ANO2: variants seen among roughly 807,000 people sequenced by gnomAD.
ANO2 encodes the protein anoctamin-2.
A neutral mutation model predicts 124.2 loss-of-function variants in ANO2; 101 were observed. The observed-to-expected ratio is 0.81, with a 90% CI of 0.69 to 0.96. ANO2 has a LOEUF of 0.96. Among genes scored for constraint, ANO2 ranks in the 40% least tolerant of loss-of-function variants. The probability of loss-of-function intolerance (pLI) is 0.00; values close to 1 mark genes in which losing one functional copy is unlikely to be tolerated. For synonymous variants in ANO2, 486 were observed against 482.5 expected (o/e 1.01, Z -0.09); for missense variants, 1,293 against 1,274.5 (o/e 1.01, Z -0.22).
In ANO2 at chr12:5,563,182, G is replaced by A; in HGVS notation, c.*117C>T. On this transcript the variant is annotated 3_prime_UTR_variant, in exon 25 of 25. Coordinates refer to ENST00000682330, the MANE Select transcript of ANO2 (RefSeq NM_001364791.2). ...TTTTTACACACTGCCCCCTCTTCAA[G>A]ACCCCATCAAGCCAGGCCCCTGCAG... is the stretch of plus-strand genomic sequence containing the variant. The A allele has an allele frequency of 7.4e-7, 1 of 1,356,592 alleles. No homozygotes were observed. Among genetic ancestry groups the A allele is most frequent in the South Asian group, 1.5e-5 (1 of 68,342 alleles). 84.0% of individuals were successfully genotyped at this position (1,356,592 alleles called of 1,614,324 possible). A position where few individuals can be genotyped will look rare whatever the true frequency, so the allele number is the denominator to read the frequency against.
Position 5,900,337 on chromosome 12 carries a change from C to T in ANO2, c.534+20703G>A, listed in dbSNP as rs192938473. Among the ~76,000 whole-genome samples the T allele has an allele frequency of 2.6e-5, 4 of 152,278 alleles. No individual in the cohort carries two copies. The highest frequency in any genetic ancestry group is 9.6e-5 in the African/African-American group (4 of 41,550). On this transcript the variant is annotated intron_variant, in intron 3 of 24. Coordinates refer to ENST00000682330, the MANE Select transcript of ANO2 (RefSeq NM_001364791.2). This position sits in a 1 kb window ranked among gnomAD's most constrained non-coding sequence, Gnocchi z 4.2. ...CACATGGTTGTTTGGATCAGGCATCCGTTTCTGAGCCCCTCCTAGTCACGA... is the reference window on the plus strand; with the variant it reads ...CACATGGTTGTTTGGATCAGGCATCTGTTTCTGAGCCCCTCCTAGTCACGA...
intron 19 of ANO2, chr12:5,608,833 T>G (rs944934953): frequency 1.3e-5 from 2 of 152,190 alleles, no homozygotes; most frequent in African/African-American, 4.8e-5. Context: ...CATGCCCGAG[T>G]TCTTGCCTCT....
chr12:5,867,794 A>AC (rs1265487051), intron 3 of ANO2, among the ~76,000 whole-genome samples: 6 of 151,288 alleles, frequency 4.0e-5, no homozygotes, highest in Non-Finnish European at 8.9e-5. Context: ...AAAAAAAAAA[A>AC]AAAAAACCAG....
chr12:5,632,738 T>C (rs1279419200), intron 16 of ANO2, among the ~76,000 whole-genome samples: 1 of 152,212 alleles, frequency 6.6e-6, no homozygotes, highest in Non-Finnish European at 1.5e-5. Context: ...TTTTCTATTG[T>C]TGCCAACTCT....
chr12:5,747,666 C>T (rs537495766), intron 11 of ANO2, among the ~76,000 whole-genome samples: 3 of 152,300 alleles, frequency 2.0e-5, no homozygotes, highest in Non-Finnish European at 4.4e-5. Context: ...AATACATACC[C>T]TCACTCTCAC....
Position 5,633,337 on chromosome 12 carries a change from G to C in ANO2, c.1816+1815C>G, listed in dbSNP as rs1945829171. Among the ~76,000 whole-genome samples, 3 of 152,272 alleles carry C rather than the reference G, an allele frequency of 2.0e-5. No homozygotes were observed. In the South Asian group the frequency reaches 6.2e-4, roughly 32 times the overall value. On this transcript the variant is annotated intron_variant, in intron 16 of 24. Coordinates refer to ENST00000682330, the MANE Select transcript of ANO2 (RefSeq NM_001364791.2). ...CCACTGCCTGCCATGGAGAGAGAAT[G>C]TCTGTTTGGCTCTCTTCCTAAGCTA...
intron 20 of ANO2, among the ~76,000 whole-genome samples, chr12:5,580,608 G>A (rs970319898): frequency 3.3e-5 from 5 of 152,170 alleles, no homozygotes; most frequent in Non-Finnish European, 7.3e-5. Flanking sequence ...GACAAGCTTC[G>A]TGAGTCTAGA....
At chr12:5,810,657 C>T (rs1480697991) in intron 7 of ANO2, among the ~76,000 whole-genome samples, 1 of 152,200 alleles carries the variant, frequency 6.6e-6, no homozygotes, top group African/African-American at 2.4e-5. Context: ...TCTCCCTTAA[C>T]AGGAACAACG....
intron 3 of ANO2, among the ~76,000 whole-genome samples, chr12:5,861,816 C>A (rs1955279626): frequency 6.6e-6 from 1 of 152,304 alleles, no homozygotes; most frequent in Admixed American, 6.5e-5. Flanking sequence ...ACTCTCAGAT[C>A]ATCAAGATTG....
intron 7 of ANO2, among the ~76,000 whole-genome samples, chr12:5,811,221 T>G (rs1208189227): frequency 6.6e-6 from 1 of 152,184 alleles, no homozygotes; most frequent in Non-Finnish European, 1.5e-5. Context: ...AAGGGCCCAG[T>G]CCACCCGGCA....
At chr12:5,766,995 T>A (rs936057832) in intron 10 of ANO2, among the ~76,000 whole-genome samples, 4 of 152,146 alleles carry the variant, frequency 2.6e-5, no homozygotes, top group Non-Finnish European at 5.9e-5. Context: ...TGCACAATTC[T>A]CAGGAGATCA....
intron 10 of ANO2, among the ~76,000 whole-genome samples, chr12:5,771,641 A>T (rs148527866): frequency 6.6e-6 from 1 of 152,060 alleles, no homozygotes; most frequent in Non-Finnish European, 1.5e-5. Flanking sequence ...TTAGCTGGGC[A>T]TGGTGGTGGG....
At chr12:5,650,182 G>C (rs1946848325) in intron 14 of ANO2, among the ~76,000 whole-genome samples, 1 of 152,156 alleles carries the variant, frequency 6.6e-6, no homozygotes, top group African/African-American at 2.4e-5. Flanking sequence ...TGAGGAGAAG[G>C]TTCAGCTCTG....
Position 5,854,136 on chromosome 12 carries a change from T to C in ANO2, c.540A>G (p.Lys180=), listed in dbSNP as rs368985671. Residue 180 remains lysine, a synonymous_variant, in exon 4 of 25, where the codon AAA becomes AAG. Coordinates refer to ENST00000682330, the MANE Select transcript of ANO2 (RefSeq NM_001364791.2). ...TCCGGACAAAGATGGATCCCTGGCT[T>C]TTATTCTGCAAGGTACAAAGAAAGA... ...GLELEKDLEN[K]SQGSIFVRIH... is the part of the protein sequence containing the mutation. 48 of 1,612,286 alleles carry C rather than the reference T, an allele frequency of 3.0e-5. 1 individual carries two copies. Among genetic ancestry groups the C allele is most frequent in the East Asian group, 2.5e-4 (11 of 44,824 alleles).
At position 5,626,175 on chromosome 12, in the gene ANO2, G is replaced by A. The variant is rs1049647886; in HGVS notation, c.1816+8977C>T. 3.3e-5 allele frequency among the ~76,000 whole-genome samples: 5 copies of A among 152,264 alleles called. No individual in the cohort carries two copies. The South Asian group carries it at 1.0e-3, about 32-fold the overall frequency. On this transcript the variant is annotated intron_variant, in intron 16 of 24. Coordinates refer to ENST00000682330, the MANE Select transcript of ANO2 (RefSeq NM_001364791.2). ...TGGTGAGGTCCCTAGGAATCTCGCTGAGGGCCAGGGAGGTGAAATAGGCAA... is the reference window on the plus strand; with the variant it reads ...TGGTGAGGTCCCTAGGAATCTCGCTAAGGGCCAGGGAGGTGAAATAGGCAA...
intron 14 of ANO2, among the ~76,000 whole-genome samples, chr12:5,719,283 A>C (rs1950132431): frequency 6.6e-6 from 1 of 152,134 alleles, no homozygotes; most frequent in Non-Finnish European, 1.5e-5. Context: ...CTAGAAGTGC[A>C]GGAGAATTAA....
intron 13 of ANO2, among the ~76,000 whole-genome samples, chr12:5,734,638 C>G (rs1318302659): frequency 6.6e-6 from 1 of 151,700 alleles, no homozygotes; most frequent in Non-Finnish European, 1.5e-5. Context: ...GCTCCCTCAT[C>G]TTTTTTTTCT....
chr12:5,927,079 G>A (rs1055984885), intron 1 of ANO2, among the ~76,000 whole-genome samples: 1 of 152,142 alleles, frequency 6.6e-6, no homozygotes, highest in Non-Finnish European at 1.5e-5. Context: ...CATTCCAGCT[G>A]CTCTGCTTCA....
Position 5,904,121 on chromosome 12 carries a change from T to C in ANO2, c.534+16919A>G, listed in dbSNP as rs1227937383. 1.3e-5 allele frequency among the ~76,000 whole-genome samples: 2 copies of C among 152,214 alleles called. No individual in the cohort carries two copies. The highest frequency in any genetic ancestry group is 2.9e-5 in the Non-Finnish European group (2 of 68,038). ...TTCATCCCAGAGCAATGCAGGCCTCTGTGCTTGAAGAGTGTTCCAGCCCAA... is the reference window on the plus strand; with the variant it reads ...TTCATCCCAGAGCAATGCAGGCCTCCGTGCTTGAAGAGTGTTCCAGCCCAA... On this transcript the variant is annotated intron_variant, in intron 3 of 24. Coordinates refer to ENST00000682330, the MANE Select transcript of ANO2 (RefSeq NM_001364791.2). The surrounding 1 kb of genome is among the most constrained non-coding windows in gnomAD (Gnocchi z 4.1).
Sources: gnomAD v4.1 joint callset for allele counts (sites outside exome capture counted in the v4.1 genomes callset) on GRCh38, gnomAD v4.1.1 for gene constraint, Gnocchi (gnomAD v3.1) non-coding constraint, MANE v1.5 for transcripts, NCBI Gene and HGNC (gene_info 2026-07-23, HGNC 2026-07-21) for gene names.